Variants in ATRX observed in about 807,000 individuals in gnomAD.
The protein encoded by ATRX is chromatin remodeler ATRX.
ATRX carries 12 observed loss-of-function variants against 172.6 expected under a neutral mutation model. The observed-to-expected ratio is 0.07, with a 90% CI of 0.04 to 0.11. The LOEUF is 0.11. ATRX is among the 10% of genes least tolerant of loss of function. ATRX has a pLI of 1.00. For missense variants in ATRX, 1,368 were observed against 1,767.4 expected (o/e 0.77, Z 4.05); for synonymous variants, 674 against 594.7 (o/e 1.13, Z -1.94).
intron 30 of ATRX, among the ~76,000 whole-genome samples, chrX:77,556,573 T>G (rs1292088829): frequency 7.2e-5 from 8 of 110,978 alleles, no homozygotes; most frequent in Non-Finnish European, 1.3e-4. Flanking sequence ...AACCTTAAAG[T>G]TTTCCATAAA....
intron 27 of ATRX, among the ~76,000 whole-genome samples, chrX:77,584,612 G>GA (rs1192804208): frequency 4.5e-5 from 5 of 111,258 alleles, no homozygotes; most frequent in African/African-American, 1.3e-4. Context: ...ATATTCAGGA[G>GA]AAAAAAACTA....
At chrX:77,779,763 T>C (rs2076502498) in intron 1 of ATRX, among the ~76,000 whole-genome samples, 2 of 112,074 alleles carry the variant, frequency 1.8e-5, no homozygotes, top group African/African-American at 6.5e-5. Context: ...CCCCAAAATA[T>C]GGAGTGCAGG....
chrX:77,705,176 G>A (rs1171888870), intron 2 of ATRX, among the ~76,000 whole-genome samples: 1 of 111,010 alleles, frequency 9.0e-6, no homozygotes, highest in Non-Finnish European at 1.9e-5. Flanking sequence ...AGCTGCACCC[G>A]GGAGGGTGGG....
At chrX:77,645,480 T>G (rs964557903) in intron 15 of ATRX, among the ~76,000 whole-genome samples, 2 of 111,151 alleles carry the variant, frequency 1.8e-5, no homozygotes, top group African/African-American at 3.3e-5. Context: ...TCCTTCAAAA[T>G]AGAGGAACAA....
chrX:77,772,621 C>T (rs2076196400), intron 1 of ATRX, among the ~76,000 whole-genome samples: 1 of 107,558 alleles, frequency 9.3e-6, no homozygotes, highest in Non-Finnish European at 1.9e-5. Context: ...GGACTTCAGG[C>T]ATACACCACC....
intron 7 of ATRX, among the ~76,000 whole-genome samples, chrX:77,686,711 C>A (rs1391785332): frequency 9.2e-6 from 1 of 108,712 alleles, no homozygotes; most frequent in Non-Finnish European, 1.9e-5. Flanking sequence ...TGACACTCCG[C>A]CTCAAAAATA....
chrX:77,657,230 G>A (rs1239477961), intron 12 of ATRX, among the ~76,000 whole-genome samples: 2 of 111,552 alleles, frequency 1.8e-5, no homozygotes, highest in African/African-American at 6.5e-5. Flanking sequence ...CCAAAGGTAT[G>A]CAGACGGTAC....
intron 6 of ATRX, among the ~76,000 whole-genome samples, chrX:77,690,511 T>C (rs2071823932): frequency 2.7e-5 from 3 of 111,683 alleles, no homozygotes; most frequent in African/African-American, 9.8e-5. Flanking sequence ...TCACCCAGAC[T>C]GGAGTACAAT....
At chrX:77,703,171 T>C (rs1469637883) in intron 2 of ATRX, among the ~76,000 whole-genome samples, 1 of 113,088 alleles carries the variant, frequency 8.8e-6, no homozygotes, top group African/African-American at 3.2e-5. Flanking sequence ...CTTTGGGGTG[T>C]CACTTTTCTG....
At chrX:77,580,502 A>G (rs2065790981) in intron 27 of ATRX, among the ~76,000 whole-genome samples, 1 of 112,146 alleles carries the variant, frequency 8.9e-6, no homozygotes, top group Admixed American at 9.4e-5. Flanking sequence ...GGAGAAGAGT[A>G]GCATGAAATA....
At chrX:77,588,405 A>C (rs45469401) in intron 27 of ATRX, among the ~76,000 whole-genome samples, 57,196 of 110,792 alleles carry the variant, frequency 0.52, 12,911 homozygotes, top group Non-Finnish European at 0.68. Flanking sequence ...AAGCACAAGC[A>C]ACAAAAGAAA....
At chrX:77,692,038 A>G (rs915421338) in intron 6 of ATRX, among the ~76,000 whole-genome samples, 2 of 111,879 alleles carry the variant, frequency 1.8e-5, no homozygotes, top group African/African-American at 6.5e-5. Flanking sequence ...GCAGCATACC[A>G]AAGTGGCACT....
intron 26 of ATRX, among the ~76,000 whole-genome samples, chrX:77,591,687 C>T (rs2066262328): frequency 8.9e-6 from 1 of 112,146 alleles, no homozygotes; most frequent in African/African-American, 3.2e-5. Flanking sequence ...TGGTGCTCAG[C>T]TCAAATGACC....
At chrX:77,578,434 G>C (rs2065705686) in intron 27 of ATRX, among the ~76,000 whole-genome samples, 1 of 112,265 alleles carries the variant, frequency 8.9e-6, no homozygotes, top group South Asian at 3.7e-4. Context: ...AAAGGGAAGA[G>C]AAAAAGCACT....
At chrX:77,706,792 T>C (rs2072849733) in intron 2 of ATRX, among the ~76,000 whole-genome samples, 1 of 110,483 alleles carries the variant, frequency 9.1e-6, no homozygotes, top group Non-Finnish European at 1.9e-5. Flanking sequence ...TATAGTCTCA[T>C]CTACTTGGGA....
At chrX:77,754,433 T>C (rs1557189128) in intron 1 of ATRX, among the ~76,000 whole-genome samples, 1 of 111,960 alleles carries the variant, frequency 8.9e-6, no homozygotes, top group Non-Finnish European at 1.9e-5. Context: ...CTTTATAGTG[T>C]CGATGGTCTT....
intron 30 of ATRX, among the ~76,000 whole-genome samples, chrX:77,540,958 C>G (rs2063956910): frequency 9.0e-6 from 1 of 110,918 alleles, no homozygotes; most frequent in Non-Finnish European, 1.9e-5. Flanking sequence ...CAAGAAATAA[C>G]TAAGATCAGA....
At chrX:77,670,769 AG>A (rs2070523358) in intron 10 of ATRX, among the ~76,000 whole-genome samples, 1 of 107,134 alleles carries the variant, frequency 9.3e-6, no homozygotes, top group Non-Finnish European at 1.9e-5. Flanking sequence ...AAAAAAAAAA[AG>A]TTATGGAATA....
chrX:77,674,092 C>T (rs2148534586), intron 10 of ATRX: 1 of 111,253 alleles, frequency 9.0e-6, no homozygotes, highest in South Asian at 3.7e-4. Context: ...ACACAATTTA[C>T]ACACAATTGT....
Sources: gnomAD v4.1 joint callset for allele counts (sites outside exome capture counted in the v4.1 genomes callset) on GRCh38, gnomAD v4.1.1 for gene constraint, MANE v1.5 for transcripts, NCBI Gene and HGNC (gene_info 2026-07-23, HGNC 2026-07-21) for gene names.